NRXN3: variants seen among roughly 807,000 people sequenced by gnomAD.
The protein encoded by NRXN3 is neurexin 3.
In NRXN3, 32 loss-of-function variants were observed where a neutral mutation model predicts 137.6. The ratio of observed to expected loss-of-function variants is 0.23; its 90% CI spans 0.18 to 0.31. The LOEUF is 0.31. Ranked by LOEUF, NRXN3 falls within the 10% of genes least tolerant of loss-of-function variation. The pLI, the probability that NRXN3 is intolerant of heterozygous loss-of-function variation, is 1.00. For missense variants in NRXN3, 1,574 were observed against 2,062.5 expected, an observed-to-expected ratio of 0.76 and a Z score of 4.59; for synonymous variants, 798 against 784.5, an observed-to-expected ratio of 1.02 and a Z score of -0.29.
At chr14:78,672,214 A>G (rs913813083) in intron 6 of NRXN3, among the ~76,000 whole-genome samples, 4 of 152,222 alleles carry the variant, frequency 2.6e-5, no homozygotes, top group African/African-American at 9.6e-5. Context: ...GAGCATCTCC[A>G]TCTAATGTTT....
chr14:79,489,306 C>T (rs1418004941), intron 16 of NRXN3, among the ~76,000 whole-genome samples: 1 of 152,130 alleles, frequency 6.6e-6, no homozygotes, highest in Non-Finnish European at 1.5e-5. Flanking sequence ...TGCTTTCCTA[C>T]CTGCTCATAT....
chr14:79,171,223 A>G (rs1404854814), intron 15 of NRXN3, among the ~76,000 whole-genome samples: 2 of 152,102 alleles, frequency 1.3e-5, no homozygotes, highest in Non-Finnish European at 2.9e-5. Flanking sequence ...TGGCTGTCCA[A>G]TGAAGAAGGG....
chr14:78,883,061 G>A (rs889312663), intron 10 of NRXN3, among the ~76,000 whole-genome samples: 1 of 152,092 alleles, frequency 6.6e-6, no homozygotes, highest in Non-Finnish European at 1.5e-5. Flanking sequence ...ATGTGAAGAA[G>A]GACATGTTTG....
intron 19 of NRXN3, among the ~76,000 whole-genome samples, chr14:79,708,930 A>T (rs996444546): frequency 3.3e-5 from 5 of 152,128 alleles, no homozygotes; most frequent in African/African-American, 7.2e-5. Flanking sequence ...ACTTGTGTGT[A>T]TAATGCAACC....
At chr14:79,282,329 T>G (rs546114940) in intron 15 of NRXN3, among the ~76,000 whole-genome samples, 2 of 152,306 alleles carry the variant, frequency 1.3e-5, no homozygotes, top group South Asian at 4.1e-4. Flanking sequence ...TAAATTTTGC[T>G]AATTACTGTA....
chr14:78,803,054 C>T (rs973153373), intron 8 of NRXN3, among the ~76,000 whole-genome samples: 5 of 152,152 alleles, frequency 3.3e-5, no homozygotes, highest in Non-Finnish European at 5.9e-5. Flanking sequence ...CTAACTCTGC[C>T]TCTATCAGAT....
intron 8 of NRXN3, among the ~76,000 whole-genome samples, chr14:78,764,033 G>A (rs1170166057): frequency 6.6e-6 from 1 of 152,120 alleles, no homozygotes; most frequent in African/African-American, 2.4e-5. Flanking sequence ...CTGGCTTTAG[G>A]TCTGTCTAAT....
Position 78,882,690 on chromosome 14 carries a change from G to A in NRXN3, c.2275+72346G>A, listed in dbSNP as rs576830489. Among the ~76,000 whole-genome samples the A allele has an allele frequency of 4.6e-5, 7 of 151,784 alleles. No individual in the cohort carries two copies. The East Asian group carries it at 1.4e-3, about 29-fold the overall frequency. On this transcript the variant is annotated intron_variant, in intron 10 of 20. Transcript: ENST00000335750. ...TATTTTACAGTCTCATAGGTGGAAA[G>A]GACTTGCCTTGTCTCGGATGAGACT...
chr14:79,276,925 T>G (rs1210958276), intron 15 of NRXN3, among the ~76,000 whole-genome samples: 1 of 152,176 alleles, frequency 6.6e-6, no homozygotes, highest in East Asian at 1.9e-4. Flanking sequence ...GTGCTACCTA[T>G]TTTTTCACAC....
intron 14 of NRXN3, among the ~76,000 whole-genome samples, chr14:78,987,510 C>T (rs1433448691): frequency 7.3e-6 from 1 of 137,046 alleles, no homozygotes; most frequent in African/African-American, 2.6e-5. Context: ...ATGTTGGCTG[C>T]TAAATCCTCC....
At chr14:78,282,843 CT>C (rs752240455) in intron 3 of NRXN3, among the ~76,000 whole-genome samples, 1 of 152,228 alleles carries the variant, frequency 6.6e-6, no homozygotes, top group African/African-American at 2.4e-5. Flanking sequence ...TCTAGTCTGA[CT>C]TTTGTTTGTG....
intron 4 of NRXN3, among the ~76,000 whole-genome samples, chr14:78,415,708 G>A (rs2093097389): frequency 6.6e-6 from 1 of 152,138 alleles, no homozygotes; most frequent in East Asian, 1.9e-4. Flanking sequence ...CAGGGTGATG[G>A]TGTTTGGAGG....
intron 16 of NRXN3, among the ~76,000 whole-genome samples, chr14:79,596,458 C>T (rs937497802): frequency 6.6e-6 from 1 of 151,944 alleles, no homozygotes; most frequent in Admixed American, 6.6e-5. Context: ...TGTTCTGAAC[C>T]AAGAGATCCC....
At chr14:79,163,032 T>A (rs962894744) in intron 15 of NRXN3, among the ~76,000 whole-genome samples, 1 of 151,980 alleles carries the variant, frequency 6.6e-6, no homozygotes, top group Non-Finnish European at 1.5e-5. Context: ...AATTAACTCT[T>A]GAGTCAGCAT....
At chr14:79,719,813 G>A (rs1374595611) in intron 19 of NRXN3, among the ~76,000 whole-genome samples, 2 of 152,002 alleles carry the variant, frequency 1.3e-5, no homozygotes, top group East Asian at 3.9e-4. Context: ...CATACAACTT[G>A]AGCATGCTTG....
chr14:79,802,909 A>T (rs560982743), intron 19 of NRXN3, among the ~76,000 whole-genome samples: 1 of 152,220 alleles, frequency 6.6e-6, no homozygotes, highest in African/African-American at 2.4e-5. Flanking sequence ...GAAGGAGAGC[A>T]TCAGGATAAA....
intron 1 of NRXN3, among the ~76,000 whole-genome samples, chr14:78,222,234 G>A (rs1482564186): frequency 1.3e-5 from 2 of 152,154 alleles, no homozygotes; most frequent in South Asian, 2.1e-4. Flanking sequence ...GGAAGAATTC[G>A]AAAGAGGCAT....
chr14:79,854,497 G>C (rs2099398496), intron 20 of NRXN3, among the ~76,000 whole-genome samples: 1 of 151,968 alleles, frequency 6.6e-6, no homozygotes, highest in Non-Finnish European at 1.5e-5. Context: ...GTTATGTTTT[G>C]TGCTGAATTG....
chr14:78,612,310 G>T (rs2097307137), intron 4 of NRXN3, among the ~76,000 whole-genome samples: 1 of 152,204 alleles, frequency 6.6e-6, no homozygotes. Context: ...TACAAATGGA[G>T]TGAGAATGGC....
Sources: gnomAD v4.1 joint callset for allele counts (sites outside exome capture counted in the v4.1 genomes callset) on GRCh38, gnomAD v4.1.1 for gene constraint, MANE v1.5 for transcripts, NCBI Gene and HGNC (gene_info 2026-07-23, HGNC 2026-07-21) for gene names.